FYN: variants seen among roughly 807,000 people sequenced by gnomAD.
The protein encoded by FYN is FYN proto-oncogene, Src family tyrosine kinase.
Under a neutral mutation model 70.2 loss-of-function variants are expected in FYN, and 10 were observed. The observed-to-expected ratio is 0.14, with a 90% confidence interval of 0.09 to 0.24. The LOEUF (loss-of-function observed/expected upper bound fraction) is 0.24, where lower values mean the gene tolerates loss of function less well. FYN is among the 10% of genes least tolerant of loss of function. The pLI is 1.00. For synonymous variants in FYN, 236 were observed against 248.6 expected, an observed-to-expected ratio of 0.95 and a Z score of 0.48; for missense variants, 319 against 673.1, an observed-to-expected ratio of 0.47 and a Z score of 5.82.
chr6:111,739,384 G>C (rs1222740867), intron 3 of FYN, among the ~76,000 whole-genome samples: 2 of 152,218 alleles, frequency 1.3e-5, no homozygotes, highest in Non-Finnish European at 2.9e-5. Context: ...GGCTCAAGGA[G>C]GACATACAGG....
At chr6:111,701,078 CA>C (rs1470584985) in intron 8 of FYN, among the ~76,000 whole-genome samples, 4 of 150,994 alleles carry the variant, frequency 2.6e-5, no homozygotes, top group Non-Finnish European at 5.9e-5. Context: ...CACAGAAATT[CA>C]AGATGTGAAA....
At chr6:111,762,738 A>C (rs1803058121) in intron 3 of FYN, among the ~76,000 whole-genome samples, 1 of 152,064 alleles carries the variant, frequency 6.6e-6, no homozygotes, top group South Asian at 2.1e-4. Flanking sequence ...CCTGGGCCAC[A>C]CTGGAAGAAC....
intron 4 of FYN, among the ~76,000 whole-genome samples, chr6:111,718,805 T>A (rs1346930312): frequency 6.6e-6 from 1 of 151,514 alleles, no homozygotes; most frequent in Non-Finnish European, 1.5e-5. Flanking sequence ...TGAACATAAA[T>A]ACTTCTTCTA....
chr6:111,863,268 C>T (rs527550596), intron 1 of FYN, among the ~76,000 whole-genome samples: 2 of 152,158 alleles, frequency 1.3e-5, no homozygotes, highest in Non-Finnish European at 2.9e-5. Flanking sequence ...CAGAAATCAG[C>T]GCTTCTTAAA....
chr6:111,682,538 T>C (rs558169832), intron 12 of FYN, among the ~76,000 whole-genome samples: 2 of 152,252 alleles, frequency 1.3e-5, no homozygotes, highest in Non-Finnish European at 2.9e-5. Context: ...AATGCTCCAA[T>C]GAAGACTGCA....
chr6:111,779,121 ATTTTTT>A (rs397934539), intron 3 of FYN, among the ~76,000 whole-genome samples: 3 of 91,522 alleles, frequency 3.3e-5, no homozygotes, highest in African/African-American at 4.2e-5. Flanking sequence ...AGTAGGAGAC[ATTTTTT>A]TTTTTTTTTT....
chr6:111,831,203 T>C (rs1214487023), intron 2 of FYN, among the ~76,000 whole-genome samples: 1 of 152,186 alleles, frequency 6.6e-6, no homozygotes, highest in East Asian at 1.9e-4. Context: ...CTCTCCTATC[T>C]GCTTGATAGA....
At position 111,700,286 on chromosome 6, in the gene FYN, G is replaced by A. The variant is rs750143183; in HGVS notation, c.698-18C>T. 8.1e-6 allele frequency: 13 copies of A among 1,612,992 alleles called. No homozygotes were observed. Among genetic ancestry groups the A allele is most frequent in the Middle Eastern group, 3.3e-4 (2 of 6,070 alleles). On this transcript the variant is annotated intron_variant, in intron 8 of 13. Transcript: ENST00000354650. Reference sequence around the variant, plus strand: ...AGCTCTCTCTGATGGAGCAGGGCAGGGGCAGGAGAGGGAGAGAAGAGCAGA... The same window carrying A: ...AGCTCTCTCTGATGGAGCAGGGCAGAGGCAGGAGAGGGAGAGAAGAGCAGA...
At chr6:111,700,950 T>C (rs1275813585) in intron 8 of FYN, among the ~76,000 whole-genome samples, 2 of 151,828 alleles carry the variant, frequency 1.3e-5, no homozygotes, top group Non-Finnish European at 2.9e-5. Flanking sequence ...CCATGTCAGA[T>C]ACTCCTGGGC....
chr6:111,735,277 G>A (rs1801658875), intron 3 of FYN, among the ~76,000 whole-genome samples: 1 of 152,208 alleles, frequency 6.6e-6, no homozygotes, highest in South Asian at 2.1e-4. Context: ...ATAGTTTAAT[G>A]GGATTGAAAT....
At chr6:111,782,355 A>C (rs1396443051) in intron 2 of FYN, among the ~76,000 whole-genome samples, 3 of 152,162 alleles carry the variant, frequency 2.0e-5, no homozygotes, top group Non-Finnish European at 4.4e-5. Context: ...TGCTGAGTCC[A>C]TCCACGGGTA....
intron 3 of FYN, among the ~76,000 whole-genome samples, chr6:111,760,665 A>G (rs1480340561): frequency 6.6e-6 from 1 of 152,230 alleles, no homozygotes; most frequent in African/African-American, 2.4e-5. Context: ...TCAAGCTGGG[A>G]GTTGCACGGA....
chr6:111,859,818 T>A (rs2114515601), intron 1 of FYN, among the ~76,000 whole-genome samples: 1 of 152,268 alleles, frequency 6.6e-6, no homozygotes, highest in Middle Eastern at 3.4e-3. Context: ...CCATCTGGAA[T>A]CTGTGAATAT....
At chr6:111,798,898 C>T (rs1461089016) in intron 2 of FYN, among the ~76,000 whole-genome samples, 2 of 152,152 alleles carry the variant, frequency 1.3e-5, no homozygotes, top group Non-Finnish European at 1.5e-5. Flanking sequence ...CATAAAGGGT[C>T]AGAAATAAAG....
At chr6:111,776,186 T>G (rs1277880348) in intron 3 of FYN, among the ~76,000 whole-genome samples, 3 of 151,930 alleles carry the variant, frequency 2.0e-5, no homozygotes, top group Non-Finnish European at 4.4e-5. Flanking sequence ...AGAACAAAAG[T>G]AAAAGCAGAT....
At position 111,719,994 on chromosome 6, in the gene FYN, C is replaced by A. The variant is rs759104731; in HGVS notation, c.58G>T (p.Gly20Cys). Residue 20 changes from glycine (G) to cysteine (C), a missense_variant, in exon 4 of 14, where the codon GGC becomes TGC. Gly to Cys is a radical substitution (Grantham distance 159, BLOSUM62 -3). Coordinates refer to ENST00000354650, the MANE Select transcript of FYN (RefSeq NM_002037.5). ...TACCCAGAGCTCTGGTTCAGGCTGC[C>A]GTCCCTCTCCTCCGTCAGTTTTGTT... ...EATKLTEERD[G>C]SLNQSSGYRY... 6.2e-7 allele frequency: 1 copy of A among 1,613,358 alleles called. No homozygotes were observed. The highest frequency in any genetic ancestry group is 8.5e-7 in the Non-Finnish European group (1 of 1,179,356).
At chr6:111,805,515 A>C (rs1772119993) in intron 2 of FYN, among the ~76,000 whole-genome samples, 1 of 152,146 alleles carries the variant, frequency 6.6e-6, no homozygotes, top group Non-Finnish European at 1.5e-5. Context: ...GCCTCACCAA[A>C]CCAGTCTTTA....
At chr6:111,806,572 CCTT>C (rs1056226803) in intron 2 of FYN, among the ~76,000 whole-genome samples, 2 of 152,220 alleles carry the variant, frequency 1.3e-5, no homozygotes, top group Non-Finnish European at 2.9e-5. Context: ...AGTGTACTAT[CCTT>C]CTCAGGCAAT....
intron 5 of FYN, among the ~76,000 whole-genome samples, chr6:111,710,213 C>T (rs1011987865): frequency 1.4e-4 from 21 of 152,216 alleles, no homozygotes; most frequent in African/African-American, 5.1e-4. Flanking sequence ...GCAAGATAAC[C>T]TTCATCAAGT....
Sources: gnomAD v4.1 joint callset for allele counts (sites outside exome capture counted in the v4.1 genomes callset) on GRCh38, gnomAD v4.1.1 for gene constraint, MANE v1.5 for transcripts, NCBI Gene and HGNC (gene_info 2026-07-23, HGNC 2026-07-21) for gene names.